Variants in ADGRE3 observed in about 807,000 individuals in gnomAD.
ADGRE3 encodes the protein EGF-like module receptor 3.
In ADGRE3, 88 loss-of-function variants were observed where a neutral mutation model predicts 80.1. The observed-to-expected ratio is 1.10, with a 90% CI of 0.93 to 1.31. ADGRE3 has a LOEUF of 1.31. Ranked by LOEUF, ADGRE3 falls within the 40% of genes most tolerant of loss-of-function variation. ADGRE3 has a pLI of 0.00. For missense variants in ADGRE3, 715 were observed against 776.5 expected (o/e 0.92, Z 0.94); for synonymous variants, 281 against 294.8 (o/e 0.95, Z 0.48).
chr19:14,610,236 C>T, the ADGRE3 span: 6 of 1,544,924 alleles, frequency 3.9e-6, no homozygotes, highest in Non-Finnish European at 5.2e-6. Context: ...CTGAGTGTCT[C>T]TTTGAGATGA....
intron 15 of ADGRE3, among the ~76,000 whole-genome samples, chr19:14,620,569 T>TATATATATATA (rs1427819287): frequency 2.0e-3 from 15 of 7,558 alleles, no homozygotes; most frequent in East Asian, 4.3e-3. Context: ...TATATATATA[T>TATATATATATA]TTTTTTTTTT....
At chr19:14,602,043 C>T in the ADGRE3 span, among the ~76,000 whole-genome samples, 7 of 152,178 alleles carry the variant, frequency 4.6e-5, no homozygotes, top group African/African-American at 1.7e-4. Context: ...CTGCCTGCCT[C>T]GGCCTCCCAA....
rs55760456 is a variant in ADGRE3 at position 14,630,393 on chromosome 19, C to CTTATTTTATTTTATT, written c.1644-201_1644-187dup. Among the ~76,000 whole-genome samples, 128 of 148,610 alleles carry CTTATTTTATTTTATT rather than the reference C, an allele frequency of 8.6e-4. 1 individual carries two copies. The highest frequency in any genetic ancestry group is 2.9e-3 in the African/African-American group (118 of 40,044). On this transcript the variant is annotated intron_variant, in intron 13 of 15. Transcript: ENST00000253673. ...CCTTCTTGCAACTCAGCTCCCTCATCTTATTTTATTTTATTTTATTTTATT... is the reference window on the plus strand; with the variant it reads ...CCTTCTTGCAACTCAGCTCCCTCATCTTATTTTATTTTATTTTATTTTATTTTATTTTATTTTATT...
intron 1 of ADGRE3, among the ~76,000 whole-genome samples, chr19:14,673,621 T>C (rs1211079721): frequency 1.3e-5 from 2 of 152,216 alleles, no homozygotes; most frequent in African/African-American, 4.8e-5. Context: ...ACATAACCTG[T>C]GCCCCAGTTT....
chr19:14,607,071 A>G, the ADGRE3 span: 1 of 1,339,076 alleles, frequency 7.5e-7, no homozygotes, highest in South Asian at 1.9e-5. Context: ...AGGGGACTGG[A>G]GGTGGCTGGA....
downstream of ADGRE3, among the ~76,000 whole-genome samples, chr19:14,616,252 G>A (rs944421346): frequency 3.3e-5 from 5 of 152,046 alleles, no homozygotes; most frequent in Non-Finnish European, 7.4e-5. Context: ...TTACAGGTGT[G>A]AGCCACCGTG....
rs958561291 is a variant in ADGRE3, at chr19:14,650,655, C to T, written c.697+430G>A. The stretch of plus-strand genomic sequence containing the variant: ...TCTCTCTCTCTCTCTCTCTCTCTCT[C>T]TCTCTCTCTCTCTCTCTCTCTCTCT... On this transcript the variant is annotated intron_variant, in intron 7 of 15. Coordinates refer to ENST00000253673, the MANE Select transcript of ADGRE3 (RefSeq NM_032571.5). 2.8e-4 allele frequency among the ~76,000 whole-genome samples: 18 copies of T among 65,182 alleles called. 1 individual carries two copies. The highest frequency in any genetic ancestry group is 1.7e-3 in the African/African-American group (15 of 8,610). 42.8% of individuals were successfully genotyped at this position (65,182 alleles called of 152,430 possible).
At chr19:14,658,393 A>G in intron 5 of ADGRE3, 120 bp downstream of exon 5, 1 of 391,858 alleles carries the variant, frequency 2.6e-6, no homozygotes. Flanking sequence ...TACATTATAT[A>G]TGTATATATA....
chr19:14,620,444 TC>T (rs1348165898), intron 15 of ADGRE3, among the ~76,000 whole-genome samples: 15 of 142,410 alleles, frequency 1.1e-4, no homozygotes, highest in Non-Finnish European at 1.2e-4. Flanking sequence ...ATATGTATAT[TC>T]ATGTATATAT....
chr19:14,615,404 T>G (rs940684057), downstream of ADGRE3, among the ~76,000 whole-genome samples: 2 of 151,986 alleles, frequency 1.3e-5, no homozygotes, highest in Non-Finnish European at 2.9e-5. Context: ...CCTAGAGAGA[T>G]AGCCTGCTCA....
In ADGRE3 at chr19:14,651,174, C is replaced by A; in HGVS notation, c.608G>T (p.Cys203Phe). The A allele has an allele frequency of 6.2e-7, 1 of 1,614,044 alleles. No individual in the cohort carries two copies. The highest frequency in any genetic ancestry group is 8.5e-7 in the Non-Finnish European group (1 of 1,179,948). The stretch of plus-strand genomic sequence containing the variant: ...GTTGAATGTCTTTCTTTCTTCAGAG[C>A]AATTGTCTGTAATCGCTTGAGTTTC... ...AIETQAITDN[C>F]SEERKTFNLN... The change falls in exon 7 of 16, where the codon TGC (cysteine) becomes TTC (phenylalanine). Residue 203 changes from cysteine to phenylalanine, a missense_variant. Transcript: ENST00000253673.
intron 4 of ADGRE3, 30 bp from the exon 5 acceptor site, chr19:14,658,580 T>C (rs1303887794): frequency 1.3e-6 from 2 of 1,530,904 alleles, no homozygotes; most frequent in Non-Finnish European, 8.8e-7. Context: ...GGAGTTACTA[T>C]TGGAACTGAG....
At chr19:14,636,065 C>CTTTCTTT (rs1971045545) in intron 11 of ADGRE3, among the ~76,000 whole-genome samples, 1 of 95,424 alleles carries the variant, frequency 1.0e-5, no homozygotes, top group African/African-American at 4.1e-5. Context: ...TCCTTCCTTT[C>CTTTCTTT]CTTTCCTTTC....
chr19:14,615,683 A>G (rs1469697085), downstream of ADGRE3, among the ~76,000 whole-genome samples: 1 of 149,452 alleles, frequency 6.7e-6, no homozygotes, highest in Middle Eastern at 3.4e-3. Context: ...ATTTGCTTGA[A>G]CCCGGGAGGC....
rs777908959 is a variant in ADGRE3, at chr19:14,651,117, C to T, written c.665G>A (p.Arg222His). Residue 222 changes from arginine to histidine, a missense_variant, in exon 7 of 16, where the codon CGT becomes CAT. Arg to His is a conservative substitution (Grantham distance 29). Transcript: ENST00000253673. ...LNVQMNSMDIRCSDIIQGDTQ... is the reference protein window; with the variant it reads ...LNVQMNSMDIHCSDIIQGDTQ... ...GTCTCCCTGGATGATGTCACTGCAA[C>T]GGATGTCCATTGAGTTCATTTGGAC... The T allele has an allele frequency of 1.9e-5, 31 of 1,613,906 alleles. No individual in the cohort carries two copies. In the African/African-American group the frequency reaches 2.5e-4, roughly 13 times the overall value.
intron 11 of ADGRE3, among the ~76,000 whole-genome samples, chr19:14,636,655 G>T (rs558699498): frequency 2.2e-4 from 33 of 152,198 alleles, no homozygotes; most frequent in Middle Eastern, 3.4e-3. Context: ...CAAACTTGCA[G>T]CACATCCAGG....
At chr19:14,665,972 A>ATG (rs1972094519) in intron 2 of ADGRE3, among the ~76,000 whole-genome samples, 1 of 132,888 alleles carries the variant, frequency 7.5e-6, no homozygotes, top group African/African-American at 2.7e-5. Flanking sequence ...ATATATATAT[A>ATG]TATATAGTGT....
At chr19:14,663,994 G>A (rs1350386169) in intron 2 of ADGRE3, among the ~76,000 whole-genome samples, 2 of 151,638 alleles carry the variant, frequency 1.3e-5, no homozygotes, top group African/African-American at 2.4e-5. Context: ...ATGAGGCCTC[G>A]CCTCTGGGCA....
intron 14 of ADGRE3, 95 bp from the exon 15 acceptor site, chr19:14,625,694 T>G: frequency 4.2e-6 from 3 of 712,004 alleles, no homozygotes; most frequent in Non-Finnish European, 7.5e-6. Context: ...GATGTATTAT[T>G]ATTTATTTAT....
Sources: allele counts gnomAD v4.1 joint callset (sites outside exome capture counted in the v4.1 genomes callset), GRCh38; gene constraint gnomAD v4.1.1; transcripts MANE v1.5; gene names NCBI Gene and HGNC (gene_info 2026-07-23, HGNC 2026-07-21).